RPS6KC1: variants seen among roughly 807,000 people sequenced by gnomAD.
RPS6KC1 encodes inactive ribosomal protein S6 kinase delta-1.
Under a neutral mutation model 103.8 loss-of-function variants are expected in RPS6KC1, and 54 were observed. That is an observed-to-expected ratio of 0.52 (90% CI 0.42 to 0.65). The LOEUF is 0.65. RPS6KC1 is among the 30% of genes least tolerant of loss of function. The pLI is 0.00. For missense variants in RPS6KC1, 1,151 were observed against 1,253.8 expected (o/e 0.92, Z 1.24); for synonymous variants, 439 against 438.7 (o/e 1.00, Z -0.01).
At chr1:213,535,481 C>A in the RPS6KC1 span, among the ~76,000 whole-genome samples, 1,184 of 152,256 alleles carry the variant, frequency 7.8e-3, 12 homozygotes, top group Non-Finnish European at 1.0e-2. Flanking sequence ...GCCTGGGGCC[C>A]TGGGAGCCCC....
At chr1:213,764,495 T>A in the RPS6KC1 span, among the ~76,000 whole-genome samples, 149 of 152,296 alleles carry the variant, frequency 9.8e-4, 1 homozygote, top group African/African-American at 3.4e-3. Context: ...ACAGGTGAGA[T>A]GAAGTTCAGA....
the RPS6KC1 span, among the ~76,000 whole-genome samples, chr1:213,644,586 CT>C: frequency 1.3e-5 from 2 of 152,010 alleles, no homozygotes; most frequent in African/African-American, 2.4e-5. Context: ...CATAGTTTGC[CT>C]TTTCCAGAAT....
At chr1:213,803,821 G>A in the RPS6KC1 span, among the ~76,000 whole-genome samples, 1 of 152,078 alleles carries the variant, frequency 6.6e-6, no homozygotes, top group South Asian at 2.1e-4. Flanking sequence ...AGTTGAAACA[G>A]GTCATTCCCT....
chr1:213,434,780 CTGTT>C, the RPS6KC1 span, among the ~76,000 whole-genome samples: 1 of 121,782 alleles, frequency 8.2e-6, no homozygotes, highest in African/African-American at 2.7e-5. Flanking sequence ...ATATAACTGA[CTGTT>C]TTTTTTTCTT....
At chr1:213,661,088 C>A in the RPS6KC1 span, among the ~76,000 whole-genome samples, 7 of 152,318 alleles carry the variant, frequency 4.6e-5, no homozygotes, top group Non-Finnish European at 7.3e-5. Context: ...GTCCCTCAGG[C>A]TACTGGTTAA....
chr1:213,622,935 A>G, the RPS6KC1 span, among the ~76,000 whole-genome samples: 1 of 152,064 alleles, frequency 6.6e-6, no homozygotes, highest in Non-Finnish European at 1.5e-5. Flanking sequence ...GGAGAAAATC[A>G]TTTCAGTCGC....
the RPS6KC1 span, among the ~76,000 whole-genome samples, chr1:213,667,353 C>T: frequency 9.9e-5 from 15 of 152,180 alleles, no homozygotes; most frequent in Admixed American, 9.8e-4. Context: ...GAAGCATGCA[C>T]ATTTTTTGGC....
At chr1:213,803,240 CTTTT>C in the RPS6KC1 span, among the ~76,000 whole-genome samples, 7 of 101,384 alleles carry the variant, frequency 6.9e-5, no homozygotes, top group South Asian at 2.3e-3. Context: ...AAGGCAGTGG[CTTTT>C]TTTTTTTTTT....
chr1:213,616,987 T>C, the RPS6KC1 span, among the ~76,000 whole-genome samples: 3,904 of 152,294 alleles, frequency 0.026, 75 homozygotes, highest in Non-Finnish European at 0.036. Flanking sequence ...AGTGTCCTCA[T>C]TGGTAAGAAG....
chr1:213,279,834 C>A, the RPS6KC1 span, among the ~76,000 whole-genome samples: 1 of 152,178 alleles, frequency 6.6e-6, no homozygotes, highest in East Asian at 1.9e-4. Context: ...AGGTCATCAA[C>A]GTTAGGATTA....
At chr1:213,472,131 T>A in the RPS6KC1 span, among the ~76,000 whole-genome samples, 2 of 152,232 alleles carry the variant, frequency 1.3e-5, no homozygotes, top group African/African-American at 4.8e-5. Flanking sequence ...GAGTGGTTAC[T>A]TCCTTTATTG....
the RPS6KC1 span, among the ~76,000 whole-genome samples, chr1:213,341,746 T>C: frequency 6.6e-6 from 1 of 152,192 alleles, no homozygotes; most frequent in Non-Finnish European, 1.5e-5. Flanking sequence ...ATAAGAAAAT[T>C]GAGGCACAGG....
the RPS6KC1 span, among the ~76,000 whole-genome samples, chr1:213,606,576 C>T: frequency 6.6e-6 from 1 of 152,222 alleles, no homozygotes. Context: ...ACAATAACTG[C>T]TCTGAGGGAG....
chr1:213,077,605 A>G (rs1459467739), intron 2 of RPS6KC1, 91 bp from the exon 3 acceptor site: 2 of 767,124 alleles, frequency 2.6e-6, no homozygotes, highest in East Asian at 5.8e-5. Context: ...TTGCATGACA[A>G]TTTTGAACAC....
chr1:213,626,969 G>T, the RPS6KC1 span, among the ~76,000 whole-genome samples: 1,181 of 152,244 alleles, frequency 7.8e-3, 10 homozygotes, highest in African/African-American at 0.027. Flanking sequence ...GAAGAAAGTC[G>T]TAGGTAGCTT....
At chr1:213,670,622 A>G in the RPS6KC1 span, among the ~76,000 whole-genome samples, 1 of 151,648 alleles carries the variant, frequency 6.6e-6, no homozygotes, top group Non-Finnish European at 1.5e-5. Context: ...ACCCTCCCCC[A>G]GGCCAGGATA....
At chr1:213,619,753 C>CT in the RPS6KC1 span, among the ~76,000 whole-genome samples, 1 of 152,156 alleles carries the variant, frequency 6.6e-6, no homozygotes, top group Non-Finnish European at 1.5e-5. Context: ...CTAGCATCTG[C>CT]TTTTTTGCAA....
the RPS6KC1 span, among the ~76,000 whole-genome samples, chr1:213,751,919 G>A: frequency 6.6e-6 from 1 of 152,164 alleles, no homozygotes; most frequent in Non-Finnish European, 1.5e-5. Context: ...TCACACCTCA[G>A]ACCTAGGTTC....
At chr1:213,193,797 T>C (rs2092839850) in intron 8 of RPS6KC1, among the ~76,000 whole-genome samples, 1 of 152,042 alleles carries the variant, frequency 6.6e-6, no homozygotes. Flanking sequence ...CCTAGCTAGC[T>C]TTGCATTTTT....
Sources: allele counts gnomAD v4.1 joint callset (sites outside exome capture counted in the v4.1 genomes callset), GRCh38; gene constraint gnomAD v4.1.1; transcripts MANE v1.5; gene names NCBI Gene and HGNC (gene_info 2026-07-23, HGNC 2026-07-21).